The following DDC variants were observed in gnomAD, a reference collection of about 807,000 sequenced individuals.
The protein encoded by DDC is dopa decarboxylase, also known as aromatic-L-amino-acid decarboxylase.
DDC carries 43 observed loss-of-function variants against 60.0 expected under a neutral mutation model. The observed-to-expected ratio is 0.72, with a 90% CI of 0.56 to 0.92. DDC has a LOEUF of 0.92. Among genes scored for constraint, DDC ranks in the 40% least tolerant of loss-of-function variants. The pLI is 0.00. For synonymous variants in DDC, 232 were observed against 234.6 expected, an observed-to-expected ratio of 0.99 and a Z score of 0.10; for missense variants, 573 against 620.2, an observed-to-expected ratio of 0.92 and a Z score of 0.81.
intron 12 of DDC, among the ~76,000 whole-genome samples, 165 bp downstream of exon 12, chr7:50,469,908 G>A (rs1393896882): frequency 6.6e-6 from 1 of 152,020 alleles, no homozygotes; most frequent in East Asian, 1.9e-4. Flanking sequence ...GAACCCAGGA[G>A]GCAGAGGTTG....
At position 50,529,317 on chromosome 7, in the gene DDC, A is replaced by G; in HGVS notation, c.461T>C (p.Val154Ala). The change falls in exon 5 of 15, where the codon GTG (valine) becomes GCG (alanine). Residue 154 changes from valine (V) to alanine (A), a missense_variant. Coordinates refer to ENST00000444124, the MANE Select transcript of DDC (RefSeq NM_001082971.2). ...IQGSASEATL[V>A]ALLAARTKVI... The stretch of plus-strand genomic sequence containing the variant: ...TTTGGTCCGAGCGGCCAGCAGGGCC[A>G]CCAGGGTGGCTTCACTGGCACTTCC... 6.2e-7 allele frequency: 1 copy of G among 1,614,218 alleles called. No homozygotes were observed. The highest frequency in any genetic ancestry group is 8.5e-7 in the Non-Finnish European group (1 of 1,180,040).
chr7:50,461,126 G>A (rs2042265023), intron 14 of DDC, among the ~76,000 whole-genome samples: 1 of 151,730 alleles, frequency 6.6e-6, no homozygotes, highest in Non-Finnish European at 1.5e-5. Flanking sequence ...TGAATATAAA[G>A]AACGAACGTA....
intron 6 of DDC, among the ~76,000 whole-genome samples, chr7:50,523,699 T>C (rs2043960047): frequency 6.6e-6 from 1 of 152,186 alleles, no homozygotes; most frequent in South Asian, 2.1e-4. Context: ...TTGGAAAACC[T>C]ACACTAACAT....
chr7:50,563,715 C>A (rs981197133), intron 1 of DDC, among the ~76,000 whole-genome samples: 6 of 152,164 alleles, frequency 3.9e-5, no homozygotes, highest in African/African-American at 1.4e-4. Context: ...GATTATCCTG[C>A]CTCAGCCTCG....
At chr7:50,459,356 T>G (rs2042198916) in intron 14 of DDC, among the ~76,000 whole-genome samples, 1 of 152,216 alleles carries the variant, frequency 6.6e-6, no homozygotes, top group South Asian at 2.1e-4. Context: ...GTGCCGAGAT[T>G]ACAGCCTCTG....
intron 1 of DDC, among the ~76,000 whole-genome samples, chr7:50,547,917 G>T (rs2044860061): frequency 6.6e-6 from 1 of 152,194 alleles, no homozygotes; most frequent in African/African-American, 2.4e-5. Context: ...AATCCAGCAA[G>T]TCTATAGGCA....
intron 13 of DDC, among the ~76,000 whole-genome samples, chr7:50,464,329 G>C (rs2042348525): frequency 6.6e-6 from 1 of 152,188 alleles, no homozygotes; most frequent in South Asian, 2.1e-4. Flanking sequence ...CCTGGCCATA[G>C]AGCTGTGCAA....
chr7:50,532,077 A>T (rs2044233107), intron 4 of DDC, among the ~76,000 whole-genome samples: 1 of 152,238 alleles, frequency 6.6e-6, no homozygotes, highest in Admixed American at 6.5e-5. Context: ...TTTGACTCAG[A>T]CACGCATCAC....
intron 9 of DDC, among the ~76,000 whole-genome samples, chr7:50,481,203 C>A (rs1305201043): frequency 6.6e-6 from 1 of 152,036 alleles, no homozygotes; most frequent in Non-Finnish European, 1.5e-5. Flanking sequence ...GGTCATTGAG[C>A]CTTTATTTTT....
At chr7:50,461,003 C>A (rs1287929581) in intron 14 of DDC, among the ~76,000 whole-genome samples, 1 of 150,672 alleles carries the variant, frequency 6.6e-6, no homozygotes, top group Non-Finnish European at 1.5e-5. Flanking sequence ...GTCCTATGAC[C>A]CTGCCAAATC....
intron 14 of DDC, among the ~76,000 whole-genome samples, chr7:50,461,483 G>A (rs968570039): frequency 1.5e-4 from 23 of 152,100 alleles, no homozygotes; most frequent in African/African-American, 4.8e-4. Flanking sequence ...TGAATCTACA[G>A]CAAATATAAT....
chr7:50,552,858 G>C (rs569608695), intron 1 of DDC, among the ~76,000 whole-genome samples: 2 of 152,268 alleles, frequency 1.3e-5, no homozygotes, highest in East Asian at 3.9e-4. Context: ...TTTGCCACAA[G>C]GAAGAGTCAC....
chr7:50,500,719 G>A (rs962758956), intron 7 of DDC, among the ~76,000 whole-genome samples: 6 of 152,194 alleles, frequency 3.9e-5, no homozygotes, highest in Non-Finnish European at 5.9e-5. Flanking sequence ...GTGGATATCC[G>A]TGTCCGCAGG....
At chr7:50,463,146 G>C in intron 14 of DDC, 67 bp downstream of exon 14, 3 of 1,313,416 alleles carry the variant, frequency 2.3e-6, no homozygotes, top group African/African-American at 1.5e-5. Flanking sequence ...GCTGGGTCTG[G>C]ACTCCAGGAG....
intron 13 of DDC, among the ~76,000 whole-genome samples, chr7:50,465,627 C>A (rs184382562): frequency 1.1e-4 from 16 of 152,346 alleles, no homozygotes; most frequent in Admixed American, 9.8e-4. Context: ...CCTCCTCGGC[C>A]TCCCAAAATG....
chr7:50,517,586 C>G (rs926061833), intron 6 of DDC, among the ~76,000 whole-genome samples: 1 of 152,072 alleles, frequency 6.6e-6, no homozygotes, highest in African/African-American at 2.4e-5. Flanking sequence ...AGCAATCAGA[C>G]AAGAGAAAGA....
At chr7:50,547,669 C>T (rs2044851472) in intron 1 of DDC, among the ~76,000 whole-genome samples, 1 of 152,046 alleles carries the variant, frequency 6.6e-6, no homozygotes, top group South Asian at 2.1e-4. Context: ...GTGGCCAACA[C>T]TCCGAGACCG....
At chr7:50,488,235 T>C (rs2042926882) in intron 9 of DDC, among the ~76,000 whole-genome samples, 1 of 151,896 alleles carries the variant, frequency 6.6e-6, no homozygotes, top group South Asian at 2.1e-4. Flanking sequence ...TTAAACAAAA[T>C]AATAGATATT....
intron 6 of DDC, among the ~76,000 whole-genome samples, chr7:50,522,513 A>C (rs1466618724): frequency 6.6e-6 from 1 of 152,222 alleles, no homozygotes; most frequent in Non-Finnish European, 1.5e-5. Flanking sequence ...ACCCAAATTC[A>C]AGACTTAGTA....
Sources: allele counts gnomAD v4.1 joint callset (sites outside exome capture counted in the v4.1 genomes callset), GRCh38; gene constraint gnomAD v4.1.1; transcripts MANE v1.5; gene names NCBI Gene and HGNC (gene_info 2026-07-23, HGNC 2026-07-21).